Variants in UTP18 observed in about 807,000 individuals in gnomAD.
The protein encoded by UTP18 is UTP18 small subunit processome component, also known as U3 small nucleolar RNA-associated protein 18 homolog.
UTP18 carries 36 observed loss-of-function variants against 61.1 expected under a neutral mutation model. The observed-to-expected ratio is 0.59, with a 90% CI of 0.45 to 0.78. The LOEUF is 0.78. Ranked by LOEUF, UTP18 falls within the 30% of genes least tolerant of loss-of-function variation. The pLI is 0.00. For synonymous variants in UTP18, 282 were observed against 251.1 expected (o/e 1.12, Z -1.16); for missense variants, 753 against 693.9 (o/e 1.09, Z -0.96).
At position 51,266,503 on chromosome 17, in the gene UTP18, A is replaced by T. The variant is rs375915701; in HGVS notation, c.554+223A>T. ...TCTTACCACTCAAATATAATCAGTG[A>T]TAATATTGCTTACTTGTTCATTTGC... On this transcript the variant is annotated intron_variant, in intron 3 of 13. Coordinates refer to ENST00000225298, the MANE Select transcript of UTP18 (RefSeq NM_016001.3). 2.8e-4 allele frequency among the ~76,000 whole-genome samples: 43 copies of T among 152,350 alleles called. No individual in the cohort carries two copies. The East Asian group carries it at 7.3e-3, about 26-fold the overall frequency.
chr17:51,264,926 G>T (rs973645640), intron 2 of UTP18, among the ~76,000 whole-genome samples: 1 of 152,036 alleles, frequency 6.6e-6, no homozygotes, highest in Non-Finnish European at 1.5e-5. Flanking sequence ...CAAGTGACCT[G>T]TTTGCCTCGG....
In UTP18 at chr17:51,297,882, G is replaced by C. The variant is rs1487458777; in HGVS notation, c.*115G>C. On this transcript the variant is annotated 3_prime_UTR_variant, in exon 14 of 14. Coordinates refer to ENST00000225298, the MANE Select transcript of UTP18 (RefSeq NM_016001.3). ...GAAAATGATTTATAGATCCAGCTGT[G>C]CTTAAGAGCCAGTAATGTCTTAATA... 3.0e-6 allele frequency: 1 copy of C among 337,158 alleles called. No homozygotes were observed. Among genetic ancestry groups the C allele is most frequent in the Non-Finnish European group, 5.6e-6 (1 of 178,724 alleles). The allele number at this position is 337,158 out of a possible 1,614,324, so 20.9% of individuals were successfully genotyped here.
chr17:51,281,565 G>A (rs1384787649), intron 9 of UTP18, among the ~76,000 whole-genome samples: 1 of 152,130 alleles, frequency 6.6e-6, no homozygotes, highest in African/African-American at 2.4e-5. Flanking sequence ...GGTTGTGAGG[G>A]TTTAAGGAGG....
At position 51,260,888 on chromosome 17, in the gene UTP18, G is replaced by A. The variant is rs1472700918; in HGVS notation, c.304G>A (p.Asp102Asn). 1.9e-6 allele frequency: 3 copies of A among 1,599,176 alleles called. No individual in the cohort carries two copies. The highest frequency in any genetic ancestry group is 2.3e-5 in the East Asian group (1 of 43,910). The change falls in exon 1 of 14, where the codon GAC becomes AAC. Residue 102 changes from aspartate to asparagine, a missense_variant. By Grantham distance (23) the Asp-to-Asn change is conservative. Transcript: ENST00000225298. ...GCTGGTCTTCGGCGACGTCGAGAAC[G>A]ACGAGGACGCGTTGCTGCGGCGTCT... ...EELVFGDVENDEDALLRRLRG... is the reference protein window; with the variant it reads ...EELVFGDVENNEDALLRRLRG...
intron 8 of UTP18, 124 bp from the exon 9 acceptor site, chr17:51,280,265 A>G: frequency 7.6e-7 from 1 of 1,316,374 alleles, no homozygotes; most frequent in Non-Finnish European, 1.1e-6. Flanking sequence ...AGAGCTTTTG[A>G]TTACAGGGAA....
chr17:51,266,364 T>C (rs2055561301), intron 3 of UTP18, 84 bp downstream of exon 3: 6 of 972,018 alleles, frequency 6.2e-6, no homozygotes, highest in Non-Finnish European at 8.6e-6. Context: ...CTTGTGTAGT[T>C]TTCCATTTTG....
At chr17:51,268,789 G>T (rs1269279780) in intron 3 of UTP18, 48 bp from the exon 4 acceptor site, 1 of 1,496,562 alleles carries the variant, frequency 6.7e-7, no homozygotes, top group East Asian at 2.3e-5. Flanking sequence ...AAGCTTTATG[G>T]ACATGTAGTG....
Position 51,280,050 on chromosome 17 carries a change from G to T in UTP18, c.1058G>T (p.Gly353Val). The stretch of plus-strand genomic sequence containing the variant: ...AGGAGCTTTGAAGTCTCCCCAGATG[G>T]GTCCTTCTTGCTCATAAATGGCATT... ...IVRSFEVSPDGSFLLINGIAG... is the reference protein window; with the variant it reads ...IVRSFEVSPDVSFLLINGIAG... The change falls in exon 8 of 14, where the codon GGG becomes GTG. Residue 353 changes from glycine to valine, a missense_variant. Physicochemically the swap from Gly to Val is moderately radical, Grantham distance 109. Coordinates refer to ENST00000225298, the MANE Select transcript of UTP18 (RefSeq NM_016001.3). The T allele has an allele frequency of 6.2e-7, 1 of 1,613,968 alleles. No individual in the cohort carries two copies. Among genetic ancestry groups the T allele is most frequent in the South Asian group, 1.1e-5 (1 of 91,042 alleles).
chr17:51,283,839 T>G (rs1905028915), intron 9 of UTP18, among the ~76,000 whole-genome samples: 1 of 152,114 alleles, frequency 6.6e-6, no homozygotes, highest in South Asian at 2.1e-4. Flanking sequence ...GGTCTCGAAC[T>G]CCTGGCCTCA....
chr17:51,268,983 C>T (rs1904407296), intron 4 of UTP18, 79 bp downstream of exon 4: 3 of 1,430,312 alleles, frequency 2.1e-6, no homozygotes, highest in Non-Finnish European at 2.9e-6. Flanking sequence ...TCTTATGAGG[C>T]TCATTAAAAC....
intron 10 of UTP18, 122 bp from the exon 11 acceptor site, chr17:51,287,907 C>A: frequency 1.4e-6 from 1 of 689,998 alleles, no homozygotes; most frequent in Non-Finnish European, 2.2e-6. Context: ...GTGGTGATAG[C>A]TGGTCTCTTT....
chr17:51,275,179 A>G (rs1369523776), intron 5 of UTP18, among the ~76,000 whole-genome samples: 1 of 150,680 alleles, frequency 6.6e-6, no homozygotes, highest in Non-Finnish European at 1.5e-5. Context: ...CCTGGGCAAC[A>G]AGAGTGAAAC....
chr17:51,275,996 G>A lies in UTP18; in HGVS notation c.837+5G>A, dbSNP rs1430118803. The A allele has an allele frequency of 6.3e-7, 1 of 1,593,760 alleles. No homozygotes were observed. Among genetic ancestry groups the A allele is most frequent in the African/African-American group, 1.4e-5 (1 of 73,622 alleles). On this transcript the variant is annotated splice_donor_5th_base_variant and intron_variant, in intron 6 of 13. Transcript: ENST00000225298. ...AATGCTGTATCACTATTTCAGGTATGCATCTTTATTTACTTATTTATTTCT... is the reference window on the plus strand; with the variant it reads ...AATGCTGTATCACTATTTCAGGTATACATCTTTATTTACTTATTTATTTCT...
In UTP18 at chr17:51,277,046, G is replaced by C. The variant is rs1427423437; in HGVS notation, c.838-84G>C. 2.8e-6 allele frequency: 4 copies of C among 1,405,450 alleles called. No homozygotes were observed. In the Admixed American group the frequency reaches 8.6e-5, roughly 30 times the overall value. The allele number at this position is 1,405,450 out of a possible 1,614,324, so 87.1% of individuals were successfully genotyped here. On this transcript the variant is annotated intron_variant, in intron 6 of 13. Transcript: ENST00000225298. ...GCCCCTTGGATATGTATTTTTAAAT[G>C]AACACTTGTAGTGAAAAGTATATAC...
At chr17:51,289,745 C>T (rs1407190040) in intron 11 of UTP18, among the ~76,000 whole-genome samples, 2 of 152,206 alleles carry the variant, frequency 1.3e-5, no homozygotes, top group African/African-American at 4.8e-5. Context: ...ACGCACTTTA[C>T]AAAGTGTGTT....
intron 11 of UTP18, among the ~76,000 whole-genome samples, chr17:51,289,916 G>A (rs1387760044): frequency 6.6e-6 from 1 of 152,122 alleles, no homozygotes; most frequent in Non-Finnish European, 1.5e-5. Context: ...TTAATAAAGG[G>A]CAGAATTGTG....
intron 11 of UTP18, among the ~76,000 whole-genome samples, chr17:51,292,711 G>A (rs558669088): frequency 6.6e-6 from 1 of 152,204 alleles, no homozygotes; most frequent in Non-Finnish European, 1.5e-5. Context: ...GTGGCCTAAA[G>A]GTAACTGCTT....
intron 11 of UTP18, among the ~76,000 whole-genome samples, chr17:51,290,900 A>G (rs2144443912): frequency 1.3e-5 from 2 of 152,358 alleles, no homozygotes; most frequent in Middle Eastern, 6.8e-3. Context: ...ATAATGATCT[A>G]GACGGTTTTG....
rs896940617 is a variant in UTP18 at position 51,275,961 on chromosome 17, T to C, written c.807T>C (p.Ala269=). ...FHPGAQIVMV[A]GLDNAVSLFQ... Reference sequence around the variant, plus strand: ...CCGGTGCACAGATTGTGATGGTTGCTGGATTAGATAATGCTGTATCACTAT... The same window carrying C: ...CCGGTGCACAGATTGTGATGGTTGCCGGATTAGATAATGCTGTATCACTAT... Residue 269 remains alanine (A), a synonymous_variant, in exon 6 of 14, where the codon GCT becomes GCC. Coordinates refer to ENST00000225298, the MANE Select transcript of UTP18 (RefSeq NM_016001.3). 5 of 1,612,768 alleles carry C rather than the reference T, an allele frequency of 3.1e-6. No homozygotes were observed. The highest frequency in any genetic ancestry group is 3.4e-6 in the Non-Finnish European group (4 of 1,179,548).
Sources: gnomAD v4.1 joint callset for allele counts (sites outside exome capture counted in the v4.1 genomes callset) on GRCh38, gnomAD v4.1.1 for gene constraint, MANE v1.5 for transcripts, NCBI Gene and HGNC (gene_info 2026-07-23, HGNC 2026-07-21) for gene names.